MYO5B: variants seen among roughly 807,000 people sequenced by gnomAD.
MYO5B encodes the protein unconventional myosin-Vb.
In MYO5B, 143 loss-of-function variants were observed where a neutral mutation model predicts 229.3. The ratio of observed to expected loss-of-function variants is 0.62; its 90% CI spans 0.54 to 0.72. MYO5B has a LOEUF of 0.72. Ranked by LOEUF, MYO5B falls within the 30% of genes least tolerant of loss-of-function variation. The probability of loss-of-function intolerance (pLI) is 0.00; values close to 1 mark genes in which losing one functional copy is unlikely to be tolerated. For missense variants in MYO5B, 2,321 were observed against 2,331.0 expected (o/e 1.00, Z 0.09); for synonymous variants, 918 against 885.2 (o/e 1.04, Z -0.66).
intron 25 of MYO5B, 88 bp downstream of exon 25, chr18:49,877,675 G>A: frequency 8.9e-6 from 14 of 1,575,494 alleles, no homozygotes; most frequent in Middle Eastern, 2.2e-4. Flanking sequence ...ATCAGCAGAA[G>A]AGTAAATTTC....
intron 1 of MYO5B, among the ~76,000 whole-genome samples, chr18:50,066,569 C>G (rs760922759): frequency 6.6e-5 from 10 of 152,142 alleles, no homozygotes; most frequent in Non-Finnish European, 1.5e-4. Context: ...AAATGTTCAA[C>G]CTGGGTACAT....
At chr18:50,009,757 G>A (rs920068097) in intron 4 of MYO5B, among the ~76,000 whole-genome samples, 8 of 152,188 alleles carry the variant, frequency 5.3e-5, no homozygotes, top group African/African-American at 1.9e-4. Flanking sequence ...TAACATTTCT[G>A]CTGCAAGAAG....
intron 1 of MYO5B, among the ~76,000 whole-genome samples, chr18:50,109,096 G>T (rs7235513): frequency 2.6e-5 from 4 of 151,954 alleles, no homozygotes; most frequent in Non-Finnish European, 5.9e-5. Flanking sequence ...CTATCTTCCC[G>T]TCCCACCACT....
intron 21 of MYO5B, among the ~76,000 whole-genome samples, chr18:49,898,154 A>T (rs536577729): frequency 1.3e-5 from 2 of 152,316 alleles, no homozygotes; most frequent in African/African-American, 4.8e-5. Context: ...GAAATCTATG[A>T]TGTTCACACA....
At chr18:49,881,631 T>C (rs890815356) in intron 22 of MYO5B, among the ~76,000 whole-genome samples, 1 of 151,814 alleles carries the variant, frequency 6.6e-6, no homozygotes, top group African/African-American at 2.4e-5. Flanking sequence ...TGAAATCCCA[T>C]CTCTACTAAA....
intron 7 of MYO5B, 105 bp downstream of exon 7, chr18:49,990,334 C>A (rs11875730): frequency 3.2e-6 from 3 of 931,934 alleles, no homozygotes; most frequent in African/African-American, 1.6e-5. Flanking sequence ...AGAGGCAGAG[C>A]CGAGACAAGA....
At chr18:49,968,381 C>A (rs202173322) in intron 10 of MYO5B, among the ~76,000 whole-genome samples, 17 of 148,292 alleles carry the variant, frequency 1.1e-4, no homozygotes, top group East Asian at 5.9e-4. Flanking sequence ...AGCTTATATA[C>A]CTTCTAAGCT....
chr18:49,923,558 C>T (rs1194157788), intron 17 of MYO5B, among the ~76,000 whole-genome samples: 10 of 152,196 alleles, frequency 6.6e-5, no homozygotes, highest in African/African-American at 1.9e-4. Context: ...CACACACTGT[C>T]ACTCTGATTT....
At chr18:49,904,961 C>T in intron 19 of MYO5B, 133 bp from the exon 20 acceptor site, 1 of 1,017,616 alleles carries the variant, frequency 9.8e-7, no homozygotes, top group South Asian at 1.4e-5. Flanking sequence ...GGGAAACCAA[C>T]TCTCTTCACC....
intron 1 of MYO5B, among the ~76,000 whole-genome samples, chr18:50,108,661 C>T (rs965449792): frequency 1.3e-5 from 2 of 152,152 alleles, no homozygotes; most frequent in African/African-American, 4.8e-5. Flanking sequence ...GCATCCTTGA[C>T]AATCCACAGT....
In MYO5B at chr18:49,906,637, A is replaced by G. The variant is rs151267350; in HGVS notation, c.2203-7T>C. 2.8e-3 allele frequency: 4,558 copies of G among 1,611,916 alleles called. 18 individuals are homozygous for G. Among genetic ancestry groups the G allele is most frequent in the Non-Finnish European group, 2.4e-3 (2,848 of 1,178,340 alleles). ...ACTGGAACTTGTCGGGGTCCTTTACAAGGTAGGGAGGGGATCTGGTTGGTC... is the reference window on the plus strand; with the variant it reads ...ACTGGAACTTGTCGGGGTCCTTTACGAGGTAGGGAGGGGATCTGGTTGGTC... On this transcript the variant is annotated splice_polypyrimidine_tract_variant and splice_region_variant and intron_variant, in intron 18 of 39. Coordinates refer to ENST00000285039, the MANE Select transcript of MYO5B (RefSeq NM_001080467.3).
chr18:49,990,320 C>T, intron 7 of MYO5B, 119 bp downstream of exon 7: 2 of 822,550 alleles, frequency 2.4e-6, no homozygotes, highest in South Asian at 2.8e-5. Flanking sequence ...GTTATGGCCA[C>T]ATAAGAGGCA....
intron 1 of MYO5B, among the ~76,000 whole-genome samples, chr18:50,068,995 A>C (rs927428241): frequency 6.6e-6 from 1 of 152,120 alleles, no homozygotes; most frequent in African/African-American, 2.4e-5. Flanking sequence ...AGACCATAGA[A>C]GTCAATCAGT....
intron 1 of MYO5B, among the ~76,000 whole-genome samples, chr18:50,086,287 T>C (rs973829908): frequency 5.3e-5 from 8 of 152,200 alleles, no homozygotes; most frequent in Non-Finnish European, 8.8e-5. Flanking sequence ...ATCTTGACAG[T>C]GGAGTGATTC....
intron 1 of MYO5B, among the ~76,000 whole-genome samples, chr18:50,134,568 A>G (rs1179060669): frequency 1.4e-5 from 2 of 141,332 alleles, no homozygotes; most frequent in African/African-American, 6.1e-5. Context: ...AAATAAATAA[A>G]TAAATAAATA....
intron 33 of MYO5B, among the ~76,000 whole-genome samples, chr18:49,844,051 T>C (rs2024095990): frequency 6.6e-6 from 1 of 152,154 alleles, no homozygotes; most frequent in South Asian, 2.1e-4. Flanking sequence ...TTCCCCCAAC[T>C]GCTCTCCTCT....
intron 26 of MYO5B, among the ~76,000 whole-genome samples, chr18:49,872,537 A>T (rs1315105094): frequency 6.6e-6 from 1 of 152,024 alleles, no homozygotes; most frequent in African/African-American, 2.4e-5. Context: ...CCCCCAAATG[A>T]TATTCTGAAG....
intron 1 of MYO5B, among the ~76,000 whole-genome samples, chr18:50,075,793 G>A (rs1296802127): frequency 6.6e-6 from 1 of 152,246 alleles, no homozygotes; most frequent in African/African-American, 2.4e-5. Flanking sequence ...ATTCTAACAG[G>A]AGCATGGAGC....
At chr18:49,925,878 A>G (rs146471475) in intron 17 of MYO5B, among the ~76,000 whole-genome samples, 19 of 152,332 alleles carry the variant, frequency 1.2e-4, no homozygotes, top group African/African-American at 4.3e-4. Flanking sequence ...AAACTGAACT[A>G]CTGCACCCAT....
Sources: gnomAD v4.1 joint callset for allele counts (sites outside exome capture counted in the v4.1 genomes callset) on GRCh38, gnomAD v4.1.1 for gene constraint, MANE v1.5 for transcripts, NCBI Gene and HGNC (gene_info 2026-07-23, HGNC 2026-07-21) for gene names.